The following ASCC3 variants were observed in gnomAD, a reference collection of about 807,000 sequenced individuals.
ASCC3 encodes the protein activating signal cointegrator 1 complex subunit 3, also known as ASC-1 complex subunit P200.
A neutral mutation model predicts 256.3 loss-of-function variants in ASCC3; 158 were observed. That is an observed-to-expected ratio of 0.62 (90% CI 0.54 to 0.70). ASCC3 has a LOEUF of 0.70. Among genes scored for constraint, ASCC3 ranks in the 30% least tolerant of loss-of-function variants. The pLI is 0.00. For synonymous variants in ASCC3, 948 were observed against 883.4 expected, an observed-to-expected ratio of 1.07 and a Z score of -1.30; for missense variants, 2,259 against 2,626.0, an observed-to-expected ratio of 0.86 and a Z score of 3.05.
At chr6:100,544,413 C>A (rs982130120) in intron 36 of ASCC3, among the ~76,000 whole-genome samples, 1 of 151,956 alleles carries the variant, frequency 6.6e-6, no homozygotes, top group Non-Finnish European at 1.5e-5. Flanking sequence ...AACACTGATA[C>A]TCCTCTAGCA....
intron 36 of ASCC3, among the ~76,000 whole-genome samples, chr6:100,574,936 C>G (rs1770781676): frequency 6.6e-6 from 1 of 151,960 alleles, no homozygotes; most frequent in Non-Finnish European, 1.5e-5. Context: ...GAAAGAGACC[C>G]AGAGAAGTAG....
rs570916098 is a variant in ASCC3, at chr6:100,771,359, G to A, written c.1396-4014C>T. On this transcript the variant is annotated intron_variant, in intron 8 of 41. Transcript: ENST00000369162. The stretch of plus-strand genomic sequence containing the variant: ...AACATGGAAGAAATTCTTTGTGAAT[G>A]TGAGTTATGCCAAGATTTCTTAAAT... Among the ~76,000 whole-genome samples the A allele has an allele frequency of 5.3e-5, 8 of 152,254 alleles. No homozygotes were observed. The South Asian group carries it at 1.7e-3, about 32-fold the overall frequency.
chr6:100,538,986 C>T (rs1272731606), intron 37 of ASCC3, among the ~76,000 whole-genome samples: 1 of 152,118 alleles, frequency 6.6e-6, no homozygotes, highest in Non-Finnish European at 1.5e-5. Flanking sequence ...AATCATCCCC[C>T]AGTAATGTCA....
chr6:100,730,857 C>A (rs973060284), intron 10 of ASCC3, among the ~76,000 whole-genome samples: 10 of 152,136 alleles, frequency 6.6e-5, no homozygotes, highest in African/African-American at 2.4e-4. Context: ...CCCATCAATT[C>A]ACATGCACGA....
chr6:100,723,860 T>TTTTA (rs1467127736), intron 11 of ASCC3, among the ~76,000 whole-genome samples: 55 of 110,230 alleles, frequency 5.0e-4, no homozygotes, highest in Non-Finnish European at 8.9e-4. Context: ...TATTAGGGAA[T>TTTTA]TATATATATA....
chr6:100,646,534 T>A (rs1342388438), intron 22 of ASCC3, 81 bp downstream of exon 22: 2 of 1,410,354 alleles, frequency 1.4e-6, no homozygotes, highest in Admixed American at 3.7e-5. Flanking sequence ...GGATTTTCTA[T>A]ATGCCTTAGG....
At chr6:100,790,354 A>AG (rs1277730943) in intron 8 of ASCC3, among the ~76,000 whole-genome samples, 11 of 151,994 alleles carry the variant, frequency 7.2e-5, no homozygotes, top group Admixed American at 1.3e-4. Context: ...TCTTAAAGCC[A>AG]GGATCATAGT....
chr6:100,789,775 G>A (rs573775035), intron 8 of ASCC3, among the ~76,000 whole-genome samples: 4 of 152,076 alleles, frequency 2.6e-5, no homozygotes, highest in Admixed American at 2.6e-4. Flanking sequence ...CATGAAAGCT[G>A]TGTAACAAAA....
chr6:100,841,933 A>G (rs1040654854), intron 4 of ASCC3, among the ~76,000 whole-genome samples: 59 of 152,318 alleles, frequency 3.9e-4, no homozygotes, highest in African/African-American at 1.4e-3. Flanking sequence ...GAGGATCACC[A>G]TTTCCATAGA....
At chr6:100,652,639 C>T (rs1361722192) in intron 18 of ASCC3, 86 bp downstream of exon 18, 4 of 1,343,610 alleles carry the variant, frequency 3.0e-6, no homozygotes, top group Non-Finnish European at 4.2e-6. Flanking sequence ...CTATTATTTG[C>T]TTTCATTATT....
At position 100,767,038 on chromosome 6, in the gene ASCC3, T is replaced by A; in HGVS notation, c.1596+107A>T. 1.1e-5 allele frequency: 13 copies of A among 1,152,022 alleles called. 1 individual carries two copies. In the South Asian group the frequency reaches 1.4e-4, roughly 13 times the overall value. 71.4% of individuals were successfully genotyped at this position (1,152,022 alleles called of 1,614,324 possible). On this transcript the variant is annotated intron_variant, in intron 9 of 41. Transcript: ENST00000369162. ...ATCAAACAGTATTACTTATCTGACT[T>A]CAAGTACAATATCTTTAAGAACTTT...
chr6:100,613,054 TTTTC>T (rs144636791), intron 30 of ASCC3, among the ~76,000 whole-genome samples: 2,260 of 151,678 alleles, frequency 0.015, 39 homozygotes, highest in African/African-American at 0.051. Context: ...TTAATTCTTT[TTTTC>T]TTTCTTTCTT....
rs1772490295 is a variant in ASCC3 at position 100,848,392 on chromosome 6, C to T, written c.557G>A (p.Gly186Asp). 1.9e-6 allele frequency: 3 copies of T among 1,613,582 alleles called. No individual in the cohort carries two copies. The highest frequency in any genetic ancestry group is 1.3e-5 in the African/African-American group (1 of 74,852). Reference sequence around the variant, plus strand: ...TAGGCTTATAGTTTTCTGAGTTTCACCATTTATTGGCAGTTCGTCAAAGTG... The same window carrying T: ...TAGGCTTATAGTTTTCTGAGTTTCATCATTTATTGGCAGTTCGTCAAAGTG... ...LDHFDELPIN[G>D]ETQKTISLDY... The change falls in exon 4 of 42, where the codon GGT (glycine) becomes GAT (aspartate). Residue 186 changes from glycine to aspartate, a missense_variant. Physicochemically the swap from Gly to Asp is moderately conservative, Grantham distance 94. Transcript: ENST00000369162.
intron 8 of ASCC3, among the ~76,000 whole-genome samples, chr6:100,771,328 G>A (rs987218811): frequency 7.2e-5 from 11 of 152,042 alleles, no homozygotes; most frequent in African/African-American, 2.7e-4. Flanking sequence ...AAAACATGTA[G>A]AAGAAAACAT....
At chr6:100,653,427 C>T (rs1005900973) in intron 17 of ASCC3, among the ~76,000 whole-genome samples, 6 of 152,010 alleles carry the variant, frequency 3.9e-5, no homozygotes, top group Non-Finnish European at 7.4e-5. Context: ...CTCACGAGGT[C>T]AGAAGTTTCA....
intron 10 of ASCC3, among the ~76,000 whole-genome samples, chr6:100,733,353 G>C (rs997372240): frequency 5.3e-5 from 8 of 152,098 alleles, no homozygotes; most frequent in African/African-American, 1.9e-4. Flanking sequence ...GGTGGTGTTT[G>C]GGTCATGACG....
chr6:100,827,284 T>C (rs765967008), intron 4 of ASCC3, among the ~76,000 whole-genome samples: 1 of 152,224 alleles, frequency 6.6e-6, no homozygotes, highest in Non-Finnish European at 1.5e-5. Context: ...TTCAGAATCA[T>C]TTCAGTATCA....
intron 8 of ASCC3, among the ~76,000 whole-genome samples, chr6:100,778,337 CAAAA>C (rs2114253239): frequency 6.6e-6 from 1 of 152,070 alleles, no homozygotes; most frequent in Non-Finnish European, 1.5e-5. Context: ...GTGATTCTTC[CAAAA>C]TTATATAGTA....
rs1282629985 is a variant in ASCC3, at chr6:100,806,316, T to C, written c.802-436A>G. On this transcript the variant is annotated intron_variant, in intron 4 of 41. Transcript: ENST00000369162. ...ACCATTAGAATGTTTTAATGAATCA[T>C]GACTTCGTGCCAATTTTTTACATGT... 3.3e-5 allele frequency among the ~76,000 whole-genome samples: 5 copies of C among 152,158 alleles called. No individual in the cohort carries two copies. The East Asian group carries it at 9.7e-4, about 29-fold the overall frequency.
Sources: gnomAD v4.1 joint callset for allele counts (sites outside exome capture counted in the v4.1 genomes callset) on GRCh38, gnomAD v4.1.1 for gene constraint, MANE v1.5 for transcripts, NCBI Gene and HGNC (gene_info 2026-07-23, HGNC 2026-07-21) for gene names.